JUP: variants seen among roughly 807,000 people sequenced by gnomAD.
JUP encodes catenin (cadherin-associated protein), gamma 80kDa.
A neutral mutation model predicts 71.1 loss-of-function variants in JUP; 28 were observed. The ratio of observed to expected loss-of-function variants is 0.39; its 90% CI spans 0.29 to 0.54. JUP has a LOEUF of 0.54. JUP is among the 20% of genes least tolerant of loss of function. JUP has a pLI of 0.62. For missense variants in JUP, 869 were observed against 1,030.1 expected (o/e 0.84, Z 2.14); for synonymous variants, 401 against 438.9 (o/e 0.91, Z 1.08).
At chr17:41,779,658 C>CT (rs1192058367) in intron 1 of JUP, among the ~76,000 whole-genome samples, 22 of 151,606 alleles carry the variant, frequency 1.5e-4, no homozygotes, top group Non-Finnish European at 2.4e-4. Flanking sequence ...TCAGATATTA[C>CT]TTTTTTTATT....
chr17:41,783,690 G>A (rs1273410431), intron 1 of JUP, among the ~76,000 whole-genome samples: 2 of 151,916 alleles, frequency 1.3e-5, no homozygotes, highest in African/African-American at 2.4e-5. Context: ...GGAGGCCGGG[G>A]CGGGCGAATC....
chr17:41,761,590 T>C (rs1914814860), intron 8 of JUP, among the ~76,000 whole-genome samples: 1 of 151,826 alleles, frequency 6.6e-6, no homozygotes, highest in Non-Finnish European at 1.5e-5. Flanking sequence ...AGTGGGTGGA[T>C]CACCAGAAGT....
chr17:41,774,405 C>T (rs1315633735), intron 1 of JUP, among the ~76,000 whole-genome samples: 1 of 152,088 alleles, frequency 6.6e-6, no homozygotes, highest in Non-Finnish European at 1.5e-5. Context: ...ATGATCTTGG[C>T]TCACTGCAAC....
chr17:41,783,745 C>T (rs576030729), intron 1 of JUP, among the ~76,000 whole-genome samples: 6 of 151,654 alleles, frequency 4.0e-5, no homozygotes, highest in Admixed American at 2.6e-4. Flanking sequence ...ATGGTGAAAC[C>T]CTGTCTCTAC....
In JUP at chr17:41,763,376, T is replaced by A; in HGVS notation, c.1159-55A>T. ...AGGGAGCAGCCAACTCCAGGGAGCC[T>A]TCTCGAATATGTCCAAGGGGAGTGG... On this transcript the variant is annotated intron_variant, in intron 7 of 13. Coordinates refer to ENST00000393931, the MANE Select transcript of JUP (RefSeq NM_002230.4). 9.0e-6 allele frequency: 12 copies of A among 1,333,520 alleles called. No homozygotes were observed. In the South Asian group the frequency reaches 1.3e-4, roughly 15 times the overall value. The allele number at this position is 1,333,520 out of a possible 1,614,324, so 82.6% of individuals were successfully genotyped here.
chr17:41,783,035 T>C (rs2047246823), intron 1 of JUP, among the ~76,000 whole-genome samples: 1 of 149,798 alleles, frequency 6.7e-6, no homozygotes, highest in Admixed American at 6.7e-5. Flanking sequence ...AGGTAGACGT[T>C]ACAGTGAGCC....
intron 5 of JUP, among the ~76,000 whole-genome samples, chr17:41,766,866 A>G (rs1555604252): frequency 1.3e-5 from 2 of 150,454 alleles, no homozygotes; most frequent in African/African-American, 5.0e-5. Context: ...AACAAAAAAA[A>G]AAAAAGAAAG....
chr17:41,784,687 G>A (rs1227441142), intron 1 of JUP, among the ~76,000 whole-genome samples: 1 of 152,050 alleles, frequency 6.6e-6, no homozygotes, highest in Non-Finnish European at 1.5e-5. Flanking sequence ...CTAGCACAGG[G>A]CTGAGCGTGA....
rs782094877 is a variant in JUP at position 41,757,466 on chromosome 17, G to A, written c.1995C>T (p.Ser665=). 1.5e-5 allele frequency: 25 copies of A among 1,614,204 alleles called. No individual in the cohort carries two copies. In the Middle Eastern group the frequency reaches 9.9e-4, roughly 64 times the overall value. ...DKNPDYRKRV[S]VELTNSLFKH... ...TGAAGAGGGAGTTGGTGAGCTCCAC[G>A]GACACGCGCTTCCGGTAGTCTGGGT... is the stretch of plus-strand genomic sequence containing the variant. Residue 665 remains serine (S), a synonymous_variant, in exon 12 of 14, where the codon TCC becomes TCT. Coordinates refer to ENST00000393931, the MANE Select transcript of JUP (RefSeq NM_002230.4).
chr17:41,757,479 C>T lies in JUP; in HGVS notation c.1982G>A (p.Arg661Gln), dbSNP rs555499592. 85 of 1,614,194 alleles carry T rather than the reference C, an allele frequency of 5.3e-5. No individual in the cohort carries two copies. In the East Asian group the frequency reaches 1.1e-3, roughly 20 times the overall value. ...GGTGAGCTCCACGGACACGCGCTTC[C>T]GGTAGTCTGGGTTCTTGTCCTCGGA... Reference protein sequence around the residue: ...RISEDKNPDYRKRVSVELTNS... With the variant: ...RISEDKNPDYQKRVSVELTNS... The change falls in exon 12 of 14, where the codon CGG (arginine) becomes CAG (glutamine). Residue 661 changes from arginine to glutamine, a missense_variant. Coordinates refer to ENST00000393931, the MANE Select transcript of JUP (RefSeq NM_002230.4).
rs781804177 is a variant in JUP, at chr17:41,755,860, C to T, written c.2122G>A (p.Asp708Asn). ...ATCTCCAGCGGGTCAAGGGGCACAT[C>T]GCTGGAGTACATGGGGCGGTAGGTG... Reference protein sequence around the residue: ...DATYRPMYSSDVPLDPLEMHM... With the variant: ...DATYRPMYSSNVPLDPLEMHM... The change falls in exon 14 of 14, where the codon GAT becomes AAT. Residue 708 changes from aspartate to asparagine, a missense_variant. Transcript: ENST00000393931. 3.8e-5 allele frequency: 61 copies of T among 1,612,512 alleles called. No homozygotes were observed. Among genetic ancestry groups the T allele is most frequent in the South Asian group, 1.6e-4 (15 of 90,962 alleles).
At chr17:41,783,301 T>G (rs1264504695) in intron 1 of JUP, among the ~76,000 whole-genome samples, 57 of 150,688 alleles carry the variant, frequency 3.8e-4, no homozygotes, top group African/African-American at 1.3e-3. Flanking sequence ...TTTGTTTTTT[T>G]TTTTTTTTTG....
In JUP at chr17:41,758,897, G is replaced by C. The variant is rs376078195; in HGVS notation, c.1498-27C>G. On this transcript the variant is annotated intron_variant, in intron 8 of 13. Transcript: ENST00000393931. ...TGGCAAAAAAAGGGGCAGTGATCAGGGGCACTTCTTGGACATCTGAAGGAT... is the reference window on the plus strand; with the variant it reads ...TGGCAAAAAAAGGGGCAGTGATCAGCGGCACTTCTTGGACATCTGAAGGAT... 19 of 1,597,476 alleles carry C rather than the reference G, an allele frequency of 1.2e-5. 1 individual carries two copies. In the East Asian group the frequency reaches 1.8e-4, roughly 15 times the overall value.
chr17:41,766,747 T>C lies in JUP; in HGVS notation c.909+632A>G, dbSNP rs557343274. ...GCGGGCACCTGTAATCCTAGCTACT[T>C]GGGAGGCTGAAGCAGGAGAATCGCT... is the stretch of plus-strand genomic sequence containing the variant. On this transcript the variant is annotated intron_variant, in intron 5 of 13. Transcript: ENST00000393931. 9.2e-3 allele frequency among the ~76,000 whole-genome samples: 1,393 copies of C among 151,346 alleles called. 18 individuals are homozygous for C. Among genetic ancestry groups the C allele is most frequent in the African/African-American group, 0.033 (1,346 of 41,206 alleles).
At chr17:41,763,420 G>A in intron 7 of JUP, 99 bp from the exon 8 acceptor site, 2 of 820,190 alleles carry the variant, frequency 2.4e-6, no homozygotes, top group East Asian at 5.3e-5. Flanking sequence ...AAAGGGGTCA[G>A]CCCTGCCTGT....
At chr17:41,783,302 T>C (rs2047267165) in intron 1 of JUP, among the ~76,000 whole-genome samples, 1 of 150,740 alleles carries the variant, frequency 6.6e-6, no homozygotes, top group African/African-American at 2.4e-5. Context: ...TTGTTTTTTT[T>C]TTTTTTTTGA....
intron 1 of JUP, among the ~76,000 whole-genome samples, chr17:41,781,695 T>C (rs1346410484): frequency 6.6e-6 from 1 of 152,164 alleles, no homozygotes; most frequent in Non-Finnish European, 1.5e-5. Flanking sequence ...AAGATACAAA[T>C]GAGGAGTCTC....
intron 1 of JUP, among the ~76,000 whole-genome samples, chr17:41,782,822 C>A (rs1295217948): frequency 6.6e-6 from 1 of 152,040 alleles, no homozygotes; most frequent in Non-Finnish European, 1.5e-5. Context: ...CAGAAAAATC[C>A]TTTCCGCTCA....
intron 7 of JUP, among the ~76,000 whole-genome samples, chr17:41,764,243 A>G (rs1203750910): frequency 2.0e-5 from 3 of 151,980 alleles, no homozygotes; most frequent in Non-Finnish European, 4.4e-5. Context: ...CCAGGTCAAA[A>G]CTGTTCTTTT....
Sources: gnomAD v4.1 joint callset for allele counts (sites outside exome capture counted in the v4.1 genomes callset) on GRCh38, gnomAD v4.1.1 for gene constraint, MANE v1.5 for transcripts, NCBI Gene and HGNC (gene_info 2026-07-23, HGNC 2026-07-21) for gene names.